WDR72: variants seen among roughly 807,000 people sequenced by gnomAD.
WDR72 encodes WD repeat domain 72, also known as WD repeat-containing protein 72.
WDR72 carries 120 observed loss-of-function variants against 124.2 expected under a neutral mutation model. The ratio of observed to expected loss-of-function variants is 0.97; its 90% CI spans 0.83 to 1.12. The LOEUF (loss-of-function observed/expected upper bound fraction) is 1.12, where lower values mean the gene tolerates loss of function less well. Ranked by LOEUF, WDR72 falls within the 50% of genes most tolerant of loss-of-function variation. WDR72 has a pLI of 0.00. For synonymous variants in WDR72, 452 were observed against 441.7 expected (o/e 1.02, Z -0.29); for missense variants, 1,387 against 1,278.8 (o/e 1.08, Z -1.29).
chr15:53,653,866 G>A (rs188054149), intron 14 of WDR72, among the ~76,000 whole-genome samples: 1 of 151,858 alleles, frequency 6.6e-6, no homozygotes, highest in East Asian at 1.9e-4. Flanking sequence ...AAATAATAGA[G>A]TTCCTAGTTT....
chr15:53,517,659 T>C lies in WDR72; in HGVS notation c.*40A>G, dbSNP rs1468657390. ...AAACAAATGGCATCTTTTGGATTTC[T>C]TAATTTGTCCAAATTCAGCTCCTAC... On this transcript the variant is annotated 3_prime_UTR_variant, in exon 20 of 20. Transcript: ENST00000360509. The C allele has an allele frequency of 1.2e-6, 2 of 1,604,910 alleles. No homozygotes were observed. The highest frequency in any genetic ancestry group is 3.3e-5 in the Admixed American group (2 of 59,850).
At chr15:53,754,210 G>A (rs1459924570) in intron 1 of WDR72, among the ~76,000 whole-genome samples, 11 of 152,134 alleles carry the variant, frequency 7.2e-5, no homozygotes, top group South Asian at 2.1e-4. Flanking sequence ...GGAAGTGTAT[G>A]CATGGGCCAG....
chr15:53,722,867 T>C lies in WDR72; in HGVS notation c.195A>G (p.Val65=), dbSNP rs1453563209. 1 of 1,612,650 alleles carries C rather than the reference T, an allele frequency of 6.2e-7. No homozygotes were observed. Among genetic ancestry groups the C allele is most frequent in the Non-Finnish European group, 8.5e-7 (1 of 1,180,018 alleles). ...KELLFGHSAS[V]TCLARARDFS... Reference sequence around the variant, plus strand: ...AGTCCCTTGCTCTTGCCAAACATGTTACCGAAGCTGAATGACCAAATAGGA... The same window carrying C: ...AGTCCCTTGCTCTTGCCAAACATGTCACCGAAGCTGAATGACCAAATAGGA... The change falls in exon 3 of 20, where the codon GTA becomes GTG. Residue 65 remains valine (V), a synonymous_variant. Transcript: ENST00000360509.
intron 19 of WDR72, among the ~76,000 whole-genome samples, chr15:53,520,572 A>G (rs1891735459): frequency 6.6e-6 from 1 of 152,050 alleles, no homozygotes; most frequent in African/African-American, 2.4e-5. Flanking sequence ...TGGTTCGAGG[A>G]CATTTTCCCA....
intron 18 of WDR72, among the ~76,000 whole-genome samples, chr15:53,574,993 G>T (rs914736288): frequency 8.0e-6 from 1 of 125,700 alleles, no homozygotes; most frequent in African/African-American, 3.2e-5. Context: ...AGAGGCTAAT[G>T]AAAATCAAAC....
chr15:53,519,528 A>C (rs1257157380), intron 19 of WDR72, among the ~76,000 whole-genome samples: 1 of 152,090 alleles, frequency 6.6e-6, no homozygotes, highest in African/African-American at 2.4e-5. Flanking sequence ...TAAGCCGGAA[A>C]CTTCAATCTG....
chr15:53,572,511 A>G (rs1484018648), intron 18 of WDR72, among the ~76,000 whole-genome samples: 2 of 152,200 alleles, frequency 1.3e-5, no homozygotes, highest in Non-Finnish European at 2.9e-5. Context: ...AATATTTGGG[A>G]TCTAGGGCTA....
chr15:53,660,774 AG>A (rs2015582352), intron 14 of WDR72, among the ~76,000 whole-genome samples: 1 of 152,302 alleles, frequency 6.6e-6, no homozygotes, highest in Non-Finnish European at 1.5e-5. Flanking sequence ...TTCTCTACAA[AG>A]GGTGGTTTTC....
chr15:53,548,332 A>T (rs1452474894), intron 18 of WDR72, among the ~76,000 whole-genome samples: 1 of 152,224 alleles, frequency 6.6e-6, no homozygotes, highest in East Asian at 1.9e-4. Flanking sequence ...ATGCTCCTAC[A>T]GAATAAACAG....
chr15:53,720,002 C>T (rs924004553), intron 3 of WDR72, among the ~76,000 whole-genome samples: 4 of 151,910 alleles, frequency 2.6e-5, no homozygotes, highest in African/African-American at 9.7e-5. Flanking sequence ...TATAGTCATA[C>T]CAACCTTATT....
chr15:53,708,590 TCAGTTTCAA>T (rs2017449865), intron 9 of WDR72, among the ~76,000 whole-genome samples: 1 of 152,138 alleles, frequency 6.6e-6, no homozygotes, highest in Non-Finnish European at 1.5e-5. Flanking sequence ...TCTCTGAACA[TCAGTTTCAA>T]CATGGGATCT....
At chr15:53,526,001 TG>T (rs1892091306) in intron 18 of WDR72, among the ~76,000 whole-genome samples, 1 of 152,086 alleles carries the variant, frequency 6.6e-6, no homozygotes, top group Non-Finnish European at 1.5e-5. Flanking sequence ...ATTGTTCTTT[TG>T]GGTGTTTCCT....
At chr15:53,641,518 T>C (rs899714182) in intron 14 of WDR72, among the ~76,000 whole-genome samples, 2 of 152,058 alleles carry the variant, frequency 1.3e-5, no homozygotes, top group African/African-American at 4.8e-5. Context: ...CATTGGTTCC[T>C]GGAAACCCAC....
intron 4 of WDR72, among the ~76,000 whole-genome samples, 156 bp from the exon 5 acceptor site, chr15:53,715,523 A>G (rs2017679251): frequency 1.3e-5 from 2 of 152,266 alleles, no homozygotes; most frequent in Non-Finnish European, 2.9e-5. Context: ...CAGTTATTCC[A>G]AACTCCTATT....
At chr15:53,737,064 G>A (rs76302443) in intron 1 of WDR72, among the ~76,000 whole-genome samples, 43,875 of 150,388 alleles carry the variant, frequency 0.29, 7,988 homozygotes, top group East Asian at 0.46. Flanking sequence ...ATCTCTGTTA[G>A]CTGGAGTCTT....
chr15:53,624,072 A>C (rs1214254410), intron 14 of WDR72, among the ~76,000 whole-genome samples: 4 of 152,282 alleles, frequency 2.6e-5, no homozygotes, highest in African/African-American at 9.6e-5. Flanking sequence ...GATTCTGGCT[A>C]TAAGACATTT....
At chr15:53,549,062 GT>G (rs1426917749) in intron 18 of WDR72, among the ~76,000 whole-genome samples, 4 of 152,168 alleles carry the variant, frequency 2.6e-5, no homozygotes, top group Non-Finnish European at 4.4e-5. Flanking sequence ...TATGGATGAC[GT>G]TTATTTATTC....
chr15:53,558,736 A>AG (rs1325279434), intron 18 of WDR72, among the ~76,000 whole-genome samples: 1 of 151,980 alleles, frequency 6.6e-6, no homozygotes, highest in African/African-American at 2.4e-5. Flanking sequence ...TGATTTCTTG[A>AG]TTTTATTTAT....
At chr15:53,554,819 A>T (rs1386934752) in intron 18 of WDR72, among the ~76,000 whole-genome samples, 1 of 152,156 alleles carries the variant, frequency 6.6e-6, no homozygotes, top group Non-Finnish European at 1.5e-5. Context: ...CCTCACTACA[A>T]ACTCACGTAG....
Sources: allele counts gnomAD v4.1 joint callset (sites outside exome capture counted in the v4.1 genomes callset), GRCh38; gene constraint gnomAD v4.1.1; transcripts MANE v1.5; gene names NCBI Gene and HGNC (gene_info 2026-07-23, HGNC 2026-07-21).